AK8: variants seen among roughly 807,000 people sequenced by gnomAD.
The protein encoded by AK8 is adenylate kinase 8, also known as ATP-AMP transphosphorylase 8.
AK8 carries 44 observed loss-of-function variants against 54.6 expected under a neutral mutation model. That is an observed-to-expected ratio of 0.81 (90% CI 0.63 to 1.04). The LOEUF (loss-of-function observed/expected upper bound fraction) is 1.04. AK8 is among the 50% of genes least tolerant of loss of function. The pLI is 0.00. For missense variants in AK8, 555 were observed against 613.6 expected, an observed-to-expected ratio of 0.90 and a Z score of 1.01; for synonymous variants, 239 against 245.6, an observed-to-expected ratio of 0.97 and a Z score of 0.25.
At position 132,799,123 on chromosome 9, in the gene AK8, T is replaced by C. The variant is rs1840321401; in HGVS notation, c.980-6348A>G. 6.6e-6 allele frequency among the ~76,000 whole-genome samples: 1 copy of C among 152,188 alleles called. No homozygotes were observed. Among genetic ancestry groups the C allele is most frequent in the Admixed American group, 6.5e-5 (1 of 15,284 alleles). Reference sequence around the variant, plus strand: ...GCTCGGAGAGAGCACCCAGGCCAGCTTGCGGTTTTCCAGCAGGCACCAGAG... The same window carrying C: ...GCTCGGAGAGAGCACCCAGGCCAGCCTGCGGTTTTCCAGCAGGCACCAGAG... On this transcript the variant is annotated intron_variant, in intron 10 of 12. Coordinates refer to ENST00000298545, the MANE Select transcript of AK8 (RefSeq NM_152572.3). This position sits in a 1 kb window ranked among gnomAD's most constrained non-coding sequence, Gnocchi z 5.0.
chr9:132,878,256 G>GT lies in AK8; in HGVS notation c.-2dup, dbSNP rs746393582. 7.3e-7 allele frequency: 1 copy of GT among 1,371,066 alleles called. No individual in the cohort carries two copies. Among genetic ancestry groups the GT allele is most frequent in the Non-Finnish European group, 9.5e-7 (1 of 1,053,804 alleles). 84.9% of individuals were successfully genotyped at this position (1,371,066 alleles called of 1,614,324 possible). On this transcript the variant is annotated 5_prime_UTR_variant, in exon 1 of 13. Transcript: ENST00000298545. The surrounding 1 kb of genome is among the most constrained non-coding windows in gnomAD (Gnocchi z 4.7). ...GGTGCGGGGCGATAGTGGCGTCCATGTAGCCGTCTCGGCTCGCCGCTCCCT... is the reference window on the plus strand; with the variant it reads ...GGTGCGGGGCGATAGTGGCGTCCATGTTAGCCGTCTCGGCTCGCCGCTCCCT...
chr9:132,832,450 G>A (rs898981399), intron 5 of AK8, among the ~76,000 whole-genome samples: 5 of 152,126 alleles, frequency 3.3e-5, no homozygotes, highest in African/African-American at 1.2e-4. Context: ...CACAGTTCTG[G>A]AAGCCGAACC....
intron 9 of AK8, among the ~76,000 whole-genome samples, chr9:132,817,477 C>A (rs1338786785): frequency 6.6e-6 from 1 of 152,044 alleles, no homozygotes; most frequent in African/African-American, 2.4e-5. Flanking sequence ...CACTTAAAAC[C>A]TTAAAGGAAA....
At position 132,878,252 on chromosome 9, in the gene AK8, C is replaced by A. The variant is rs377315557; in HGVS notation, c.4G>T (p.Asp2Tyr). 2.0e-5 allele frequency: 28 copies of A among 1,385,760 alleles called. No individual in the cohort carries two copies. The highest frequency in any genetic ancestry group is 2.5e-5 in the Non-Finnish European group (27 of 1,061,568). The allele number at this position is 1,385,760 out of a possible 1,614,324, so 85.8% of individuals were successfully genotyped here. Residue 2 changes from aspartate (D) to tyrosine (Y), a missense_variant, in exon 1 of 13, where the codon GAC (aspartate) becomes TAC (tyrosine). Asp to Tyr is a radical substitution (Grantham distance 160). Transcript: ENST00000298545. This position sits in a 1 kb window ranked among gnomAD's most constrained non-coding sequence, Gnocchi z 4.7. M[D>Y]ATIAPHRIPP... ...ATACGGTGCGGGGCGATAGTGGCGT[C>A]CATGTAGCCGTCTCGGCTCGCCGCT... is the stretch of plus-strand genomic sequence containing the variant.
At chr9:132,815,059 C>T (rs1468960646) in intron 9 of AK8, among the ~76,000 whole-genome samples, 2 of 152,254 alleles carry the variant, frequency 1.3e-5, no homozygotes, top group Non-Finnish European at 2.9e-5. Flanking sequence ...CTGCGCAGAA[C>T]TCGGCGCCCT....
chr9:132,823,137 TG>T, intron 9 of AK8, 67 bp downstream of exon 9: 5 of 1,481,798 alleles, frequency 3.4e-6, no homozygotes, highest in Non-Finnish European at 4.5e-6. Flanking sequence ...AAATGAGAGC[TG>T]GGGAGGAGGG....
At chr9:132,765,404 A>G (rs1397518260) in intron 11 of AK8, among the ~76,000 whole-genome samples, 2 of 152,148 alleles carry the variant, frequency 1.3e-5, no homozygotes, top group African/African-American at 4.8e-5. Context: ...TCACACCAAC[A>G]GAATGAAAGA....
chr9:132,850,008 A>G (rs542301819), intron 5 of AK8, among the ~76,000 whole-genome samples: 1 of 151,460 alleles, frequency 6.6e-6, no homozygotes, highest in East Asian at 1.9e-4. Context: ...CAGCCTCCCA[A>G]AGTGCTGGGA....
intron 10 of AK8, among the ~76,000 whole-genome samples, chr9:132,793,068 C>T (rs1840015506): frequency 9.7e-6 from 1 of 103,506 alleles, no homozygotes; most frequent in Non-Finnish European, 2.5e-5. Context: ...CAGATTGTCC[C>T]CCTGTCTTAG....
At chr9:132,739,202 C>T (rs1250143467) in intron 11 of AK8, among the ~76,000 whole-genome samples, 1 of 151,622 alleles carries the variant, frequency 6.6e-6, no homozygotes, top group Non-Finnish European at 1.5e-5. Flanking sequence ...ATAATCCCAG[C>T]ACTTTGGGAG....
Position 132,790,149 on chromosome 9 carries a change from C to T in AK8, c.1121+2485G>A, listed in dbSNP as rs1394827296. Among the ~76,000 whole-genome samples the T allele has an allele frequency of 6.6e-6, 1 of 151,998 alleles. No individual in the cohort carries two copies. Among genetic ancestry groups the T allele is most frequent in the African/African-American group, 2.4e-5 (1 of 41,366 alleles). On this transcript the variant is annotated intron_variant, in intron 11 of 12. Coordinates refer to ENST00000298545, the MANE Select transcript of AK8 (RefSeq NM_152572.3). This position sits in a 1 kb window ranked among gnomAD's most constrained non-coding sequence, Gnocchi z 4.1. ...CAAAAGACTGGCTTACTAATATTAA[C>T]ATAATTTATAATACCAATGTGTCAA...
At chr9:132,800,051 G>T (rs1024384869) in intron 10 of AK8, among the ~76,000 whole-genome samples, 2 of 152,226 alleles carry the variant, frequency 1.3e-5, no homozygotes, top group Non-Finnish European at 2.9e-5. Flanking sequence ...CCTGGTGCCT[G>T]AAAGAAGCGG....
rs776254712 is a variant in AK8 at position 132,799,691 on chromosome 9, G to A, written c.980-6916C>T. Among the ~76,000 whole-genome samples the A allele has an allele frequency of 2.2e-4, 33 of 151,770 alleles. No individual in the cohort carries two copies. Among genetic ancestry groups the A allele is most frequent in the Admixed American group, 2.0e-3 (31 of 15,236 alleles). On this transcript the variant is annotated intron_variant, in intron 10 of 12. Coordinates refer to ENST00000298545, the MANE Select transcript of AK8 (RefSeq NM_152572.3). This position sits in a 1 kb window ranked among gnomAD's most constrained non-coding sequence, Gnocchi z 5.0. ...ACCCACCTATCCACACATAGTACAC[G>A]AAGCACACACCCTCATTACACAAAC...
At chr9:132,867,034 T>A in intron 2 of AK8, 81 bp from the exon 3 acceptor site, 2 of 1,338,860 alleles carry the variant, frequency 1.5e-6, no homozygotes, top group Non-Finnish European at 2.1e-6. Context: ...GGTGTACTTA[T>A]TTCTCCCTCC....
At chr9:132,840,648 T>A (rs1842507254) in intron 5 of AK8, among the ~76,000 whole-genome samples, 1 of 152,132 alleles carries the variant, frequency 6.6e-6, no homozygotes, top group Admixed American at 6.6e-5. Context: ...ATCCCAGGAA[T>A]CTGGGAGGCT....
In AK8 at chr9:132,823,272, GAGC is replaced by G. The variant is rs746355721; in HGVS notation, c.819_821del (p.Leu274del). 1 of 1,612,496 alleles carries G rather than the reference GAGC, an allele frequency of 6.2e-7. No individual in the cohort carries two copies. The highest frequency in any genetic ancestry group is 1.7e-5 in the Admixed American group (1 of 59,822). On this transcript the variant is annotated inframe_deletion, in exon 9 of 13. Transcript: ENST00000298545. ...GACTTTTCCCACTGCCCACAGGCCC[GAGC>G]AGCAGCACCCTCGGGGTGAACGGGG...
At chr9:132,850,220 A>AT (rs34506307) in intron 5 of AK8, among the ~76,000 whole-genome samples, 69,277 of 122,992 alleles carry the variant, frequency 0.56, 20,998 homozygotes, top group East Asian at 0.79. Context: ...TGCCCAGCTA[A>AT]TTTTTTTTTT....
intron 8 of AK8, 93 bp from the exon 9 acceptor site, chr9:132,823,429 T>G (rs1588173703): frequency 6.5e-7 from 1 of 1,532,164 alleles, no homozygotes. Context: ...TTAACGGCAG[T>G]AACTCTTTTT....
chr9:132,746,676 G>A (rs868090924), intron 11 of AK8, among the ~76,000 whole-genome samples: 4 of 152,312 alleles, frequency 2.6e-5, no homozygotes, highest in Middle Eastern at 3.4e-3. Context: ...TTGCGCAGTG[G>A]ACAGTGTGCT....
Sources: allele counts gnomAD v4.1 joint callset (sites outside exome capture counted in the v4.1 genomes callset), GRCh38; gene constraint gnomAD v4.1.1; non-coding constraint Gnocchi (gnomAD v3.1); transcripts MANE v1.5; gene names NCBI Gene and HGNC (gene_info 2026-07-23, HGNC 2026-07-21).